LIMA1: variants seen among roughly 807,000 people sequenced by gnomAD.
The protein encoded by LIMA1 is LIM domain and actin binding 1, also known as LIM domain and actin-binding protein 1.
LIMA1 carries 52 observed loss-of-function variants against 62.6 expected under a neutral mutation model. That is an observed-to-expected ratio of 0.83 (90% CI 0.67 to 1.05). The LOEUF (loss-of-function observed/expected upper bound fraction) is 1.05. Among genes scored for constraint, LIMA1 ranks in the 50% least tolerant of loss-of-function variants. LIMA1 has a pLI of 0.00. For missense variants in LIMA1, 780 were observed against 902.2 expected (o/e 0.86, Z 1.74); for synonymous variants, 302 against 317.8 (o/e 0.95, Z 0.53).
At chr12:50,185,338 C>G in intron 9 of LIMA1, 1 of 455,800 alleles carries the variant, frequency 2.2e-6, no homozygotes, top group Admixed American at 2.4e-5. Context: ...GGAAGCAGCC[C>G]AGGGAACAGA....
At chr12:50,260,272 C>T (rs1437423640) in intron 1 of LIMA1, among the ~76,000 whole-genome samples, 1 of 151,990 alleles carries the variant, frequency 6.6e-6, no homozygotes, top group Admixed American at 6.6e-5. Flanking sequence ...CTCAGCCTTC[C>T]GAATAGCTGG....
intron 3 of LIMA1, among the ~76,000 whole-genome samples, chr12:50,227,337 C>A (rs868394564): frequency 6.8e-6 from 1 of 146,946 alleles, no homozygotes. Context: ...CTCCTGGGTT[C>A]AAGCAATTCT....
chr12:50,245,313 T>C (rs1941832269), intron 2 of LIMA1, among the ~76,000 whole-genome samples: 1 of 151,188 alleles, frequency 6.6e-6, no homozygotes, highest in Non-Finnish European at 1.5e-5. Context: ...CTTGGGAGGC[T>C]GAGGCAGGAG....
chr12:50,195,584 T>A, intron 8 of LIMA1: 1 of 354,624 alleles, frequency 2.8e-6, no homozygotes, highest in Admixed American at 4.6e-5. Flanking sequence ...GTGCAAAAAG[T>A]AGGATGAATT....
chr12:50,200,729 T>C (rs751980564), intron 7 of LIMA1, 48 bp downstream of exon 7: 1 of 1,593,482 alleles, frequency 6.3e-7, no homozygotes, highest in South Asian at 1.1e-5. Flanking sequence ...GCATCTAATT[T>C]AGAACACATG....
At chr12:50,192,308 A>T in intron 9 of LIMA1, 144 bp downstream of exon 9, 1 of 635,006 alleles carries the variant, frequency 1.6e-6, no homozygotes, top group Non-Finnish European at 2.8e-6. Flanking sequence ...AGGGAAAGCG[A>T]CTGGCTTCAG....
chr12:50,266,928 T>C (rs1942145807), intron 1 of LIMA1, among the ~76,000 whole-genome samples: 1 of 152,258 alleles, frequency 6.6e-6, no homozygotes, highest in African/African-American at 2.4e-5. Context: ...AGAGTCTCAC[T>C]CTGTCACCCA....
rs536887624 is a variant in LIMA1, at chr12:50,278,461, C to T, written c.-24+4959G>A. Among the ~76,000 whole-genome samples the T allele has an allele frequency of 1.5e-4, 23 of 152,110 alleles. No homozygotes were observed. In the South Asian group the frequency reaches 4.0e-3, roughly 26 times the overall value. On this transcript the variant is annotated intron_variant, in intron 1 of 10. Transcript: ENST00000341247. ...TAATAATATTCAATGTTACCAAGGC[C>T]GCACTAAGATGGGCACTCACAATCA...
chr12:50,225,468 A>G (rs1457236205), intron 3 of LIMA1, among the ~76,000 whole-genome samples: 2 of 152,172 alleles, frequency 1.3e-5, no homozygotes, highest in Non-Finnish European at 2.9e-5. Context: ...TTTGTACAAA[A>G]TCATACTGTA....
At chr12:50,239,414 A>C (rs1941741350) in intron 2 of LIMA1, among the ~76,000 whole-genome samples, 1 of 151,042 alleles carries the variant, frequency 6.6e-6, no homozygotes. Flanking sequence ...TGAGTCGAGT[A>C]GATCACTTGA....
Position 50,190,568 on chromosome 12 carries a change from T to C in LIMA1, c.1140+1884A>G, listed in dbSNP as rs1592500757. Among the ~76,000 whole-genome samples the C allele has an allele frequency of 3.5e-5, 5 of 143,270 alleles. No individual in the cohort carries two copies. The South Asian group carries it at 1.1e-3, about 32-fold the overall frequency. 94.0% of individuals were successfully genotyped at this position (143,270 alleles called of 152,430 possible). On this transcript the variant is annotated intron_variant, in intron 9 of 10. Transcript: ENST00000341247. ...TTTTTTTTTGTACTTTTAGTAGAGA[T>C]GGGGTTTCTCCATGTTGTTCAGGCT...
intron 3 of LIMA1, chr12:50,222,797 C>A: frequency 1.2e-6 from 1 of 801,216 alleles, no homozygotes; most frequent in Non-Finnish European, 1.7e-6. Flanking sequence ...GAGATTTTTA[C>A]CCAAAGATTA....
Position 50,177,282 on chromosome 12 carries a change from C to T in LIMA1, c.2062G>A (p.Glu688Lys). 1 of 1,614,182 alleles carries T rather than the reference C, an allele frequency of 6.2e-7. No homozygotes were observed. The highest frequency in any genetic ancestry group is 1.1e-5 in the South Asian group (1 of 91,078). Residue 688 changes from glutamate to lysine, a missense_variant, in exon 11 of 11, where the codon GAA becomes AAA. Coordinates refer to ENST00000341247, the MANE Select transcript of LIMA1 (RefSeq NM_016357.5). ...TGTTTGAGGAAGCTGTTATCATCTT[C>T]ATCGGAGTCTGCACCATTTTCTACA... is the stretch of plus-strand genomic sequence containing the variant. ...NLVENGADSDEDDNSFLKQQS... is the reference protein window; with the variant it reads ...NLVENGADSDKDDNSFLKQQS...
intron 4 of LIMA1, among the ~76,000 whole-genome samples, chr12:50,208,178 T>C (rs1021379935): frequency 5.9e-5 from 9 of 151,856 alleles, no homozygotes; most frequent in African/African-American, 2.2e-4. Flanking sequence ...CAAAACCTTG[T>C]CTCTACAAAA....
intron 2 of LIMA1, among the ~76,000 whole-genome samples, chr12:50,240,205 A>G (rs988225354): frequency 3.5e-4 from 53 of 152,182 alleles, no homozygotes; most frequent in African/African-American, 1.2e-3. Flanking sequence ...AAAGGCCTCA[A>G]GGCAAGAAAG....
intron 3 of LIMA1, among the ~76,000 whole-genome samples, chr12:50,230,565 T>C (rs965743373): frequency 5.3e-5 from 8 of 151,970 alleles, no homozygotes; most frequent in Admixed American, 1.3e-4. Flanking sequence ...GTTTTTTCTT[T>C]TTTTCTTTTT....
At chr12:50,260,716 T>C (rs761067308) in intron 1 of LIMA1, among the ~76,000 whole-genome samples, 6 of 152,134 alleles carry the variant, frequency 3.9e-5, no homozygotes, top group Non-Finnish European at 8.8e-5. Flanking sequence ...CTAACTGTGG[T>C]GACATGTGCA....
Position 50,268,043 on chromosome 12 carries a change from A to T in LIMA1, c.-24+15377T>A, listed in dbSNP as rs749903951. Reference sequence around the variant, plus strand: ...ATTATACAAGGACTTTCTGAATATCATGTGTAACTCCTTGTACAATTGGAT... The same window carrying T: ...ATTATACAAGGACTTTCTGAATATCTTGTGTAACTCCTTGTACAATTGGAT... On this transcript the variant is annotated intron_variant, in intron 1 of 10. Transcript: ENST00000341247. Among the ~76,000 whole-genome samples, 51 of 152,096 alleles carry T rather than the reference A, an allele frequency of 3.4e-4. 1 individual carries two copies. Among genetic ancestry groups the T allele is most frequent in the Non-Finnish European group, 1.5e-5 (1 of 68,026 alleles).
chr12:50,267,170 C>T (rs561750562), intron 1 of LIMA1, among the ~76,000 whole-genome samples: 50 of 151,930 alleles, frequency 3.3e-4, no homozygotes, highest in Admixed American at 2.8e-3. Context: ...CCCGGGTTCA[C>T]GCCATTCTTC....
Sources: allele counts gnomAD v4.1 joint callset (sites outside exome capture counted in the v4.1 genomes callset), GRCh38; gene constraint gnomAD v4.1.1; transcripts MANE v1.5; gene names NCBI Gene and HGNC (gene_info 2026-07-23, HGNC 2026-07-21).